Variants in DNAJC5B observed in about 807,000 individuals in gnomAD.
DNAJC5B encodes DnaJ heat shock protein family (Hsp40) member C5 beta.
In DNAJC5B, 23 loss-of-function variants were observed where a neutral mutation model predicts 24.7. That is an observed-to-expected ratio of 0.93 (90% CI 0.67 to 1.32). DNAJC5B has a LOEUF of 1.32. DNAJC5B is among the 40% of genes most tolerant of loss of function. The pLI is 0.00. For synonymous variants in DNAJC5B, 101 were observed against 90.1 expected, an observed-to-expected ratio of 1.12 and a Z score of -0.68; for missense variants, 238 against 240.8, an observed-to-expected ratio of 0.99 and a Z score of 0.08.
chr8:66,065,725 T>G (rs1296581836), intron 3 of DNAJC5B, among the ~76,000 whole-genome samples: 1 of 152,168 alleles, frequency 6.6e-6, no homozygotes, highest in African/African-American at 2.4e-5. Context: ...TTGTTGGTGC[T>G]TGGGTGCTTC....
chr8:66,099,883 A>T, intron 5 of DNAJC5B, 54 bp from the exon 6 acceptor site: 1 of 1,521,132 alleles, frequency 6.6e-7, no homozygotes. Context: ...TTGCTTCATT[A>T]AAAGAACTGT....
At chr8:66,030,022 C>T (rs1219937297) in intron 1 of DNAJC5B, among the ~76,000 whole-genome samples, 1 of 152,198 alleles carries the variant, frequency 6.6e-6, no homozygotes, top group Non-Finnish European at 1.5e-5. Flanking sequence ...CCTATAAATA[C>T]TGTTCCTGGT....
Position 66,051,554 on chromosome 8 carries a change from T to G in DNAJC5B, c.7T>G (p.Cys3Gly). 6.2e-7 allele frequency: 1 copy of G among 1,611,228 alleles called. No homozygotes were observed. The highest frequency in any genetic ancestry group is 8.5e-7 in the Non-Finnish European group (1 of 1,179,140). The change falls in exon 3 of 6, where the codon TGT becomes GGT. Residue 3 changes from cysteine (C) to glycine (G), a missense_variant. By Grantham distance (159) the Cys-to-Gly change is radical. Transcript: ENST00000276570. Reference protein sequence around the residue: MACNIPNQRQRTL... With the variant: MAGNIPNQRQRTL... ...AGTTTTGCAGCCTTAGAAAATGGCA[T>G]GTAACATACCTAACCAAAGACAGCG...
At chr8:66,054,630 G>T (rs1398297326) in intron 3 of DNAJC5B, among the ~76,000 whole-genome samples, 1 of 152,200 alleles carries the variant, frequency 6.6e-6, no homozygotes, top group Non-Finnish European at 1.5e-5. Context: ...AAGAAAAAAT[G>T]GCAATGGTGT....
At chr8:66,027,358 G>A (rs1031474987) in intron 1 of DNAJC5B, among the ~76,000 whole-genome samples, 16 of 152,132 alleles carry the variant, frequency 1.1e-4, no homozygotes, top group Middle Eastern at 3.2e-3. Flanking sequence ...GGGTTGTCCC[G>A]TCTCTTCTGC....
intron 1 of DNAJC5B, among the ~76,000 whole-genome samples, chr8:66,038,690 T>C (rs1806541363): frequency 6.6e-6 from 1 of 152,242 alleles, no homozygotes; most frequent in Non-Finnish European, 1.5e-5. Flanking sequence ...TACCTTTTTT[T>C]AAGCTAACGT....
intron 1 of DNAJC5B, among the ~76,000 whole-genome samples, chr8:66,024,122 G>A (rs16932421): frequency 0.01 from 1,532 of 152,314 alleles, 28 homozygotes; most frequent in African/African-American, 0.033. Flanking sequence ...CAACTAAAAT[G>A]TGTACTTCCT....
chr8:66,019,695 A>C (rs1806058786), upstream of DNAJC5B, among the ~76,000 whole-genome samples: 1 of 152,264 alleles, frequency 6.6e-6, no homozygotes, highest in African/African-American at 2.4e-5. Flanking sequence ...TATTCTGAAG[A>C]TGCCACATGA....
At chr8:66,095,434 A>G (rs550198306) in intron 5 of DNAJC5B, among the ~76,000 whole-genome samples, 2 of 151,004 alleles carry the variant, frequency 1.3e-5, no homozygotes, top group Admixed American at 1.3e-4. Context: ...AACCATTCTC[A>G]CCAGATGTCT....
At chr8:66,076,006 C>T (rs576113581) in intron 3 of DNAJC5B, among the ~76,000 whole-genome samples, 2 of 152,218 alleles carry the variant, frequency 1.3e-5, no homozygotes, top group Non-Finnish European at 2.9e-5. Context: ...CCCTCAGAAA[C>T]TGCTTTCTGA....
At chr8:66,051,748 C>A in intron 3 of DNAJC5B, 82 bp downstream of exon 3, 1 of 1,073,578 alleles carries the variant, frequency 9.3e-7, no homozygotes, top group Non-Finnish European at 1.4e-6. Context: ...AAGACATAAG[C>A]TTCTCACTAA....
chr8:66,023,176 G>A (rs1282898095), intron 1 of DNAJC5B, among the ~76,000 whole-genome samples: 1 of 152,164 alleles, frequency 6.6e-6, no homozygotes, highest in Non-Finnish European at 1.5e-5. Context: ...TAGTGCTGGG[G>A]ACTAAAGTTT....
At chr8:66,024,038 A>G (rs945123990) in intron 1 of DNAJC5B, among the ~76,000 whole-genome samples, 1 of 152,256 alleles carries the variant, frequency 6.6e-6, no homozygotes, top group Non-Finnish European at 1.5e-5. Context: ...CCTAACTTTT[A>G]TAGTCATCAG....
intron 2 of DNAJC5B, among the ~76,000 whole-genome samples, chr8:66,044,034 G>T (rs1003595679): frequency 2.0e-5 from 3 of 152,016 alleles, no homozygotes; most frequent in African/African-American, 7.3e-5. Context: ...TGTTGGCCAG[G>T]CTGGTCTGGA....
At chr8:66,027,384 C>T (rs772778593) in intron 1 of DNAJC5B, among the ~76,000 whole-genome samples, 8 of 152,202 alleles carry the variant, frequency 5.3e-5, no homozygotes, top group Non-Finnish European at 7.3e-5. Context: ...GAAAATGTTA[C>T]GAGCTGAGTC....
chr8:66,048,912 CA>C (rs768048158), intron 2 of DNAJC5B, among the ~76,000 whole-genome samples: 6 of 152,316 alleles, frequency 3.9e-5, no homozygotes, highest in Non-Finnish European at 7.3e-5. Context: ...ATGTGCCAAG[CA>C]CAAAGCGAGG....
intron 3 of DNAJC5B, among the ~76,000 whole-genome samples, chr8:66,059,472 T>A (rs936448710): frequency 2.6e-5 from 4 of 152,174 alleles, no homozygotes; most frequent in African/African-American, 9.7e-5. Flanking sequence ...GTTAGAAAGC[T>A]AGTGTAGGAG....
chr8:66,063,246 G>A (rs34549333), intron 3 of DNAJC5B, among the ~76,000 whole-genome samples: 3,464 of 152,254 alleles, frequency 0.023, 48 homozygotes, highest in Middle Eastern at 0.041. Context: ...ACCAAAGTGA[G>A]GCAAATTCTG....
At chr8:66,026,335 G>T (rs1321984391) in intron 1 of DNAJC5B, among the ~76,000 whole-genome samples, 3 of 152,096 alleles carry the variant, frequency 2.0e-5, no homozygotes, top group South Asian at 4.1e-4. Flanking sequence ...TGAGACGATG[G>T]GGTTTTTGCG....
Sources: allele counts gnomAD v4.1 joint callset (sites outside exome capture counted in the v4.1 genomes callset), GRCh38; gene constraint gnomAD v4.1.1; transcripts MANE v1.5; gene names NCBI Gene and HGNC (gene_info 2026-07-23, HGNC 2026-07-21).